The following SMYD3 variants were observed in gnomAD, a reference collection of about 807,000 sequenced individuals.
SMYD3 encodes the protein SET and MYND domain containing 3.
In SMYD3, 36 loss-of-function variants were observed where a neutral mutation model predicts 57.7. That is an observed-to-expected ratio of 0.62 (90% confidence interval 0.48 to 0.82). The LOEUF (loss-of-function observed/expected upper bound fraction) is 0.82. Ranked by LOEUF, SMYD3 falls within the 40% of genes least tolerant of loss-of-function variation. The pLI, the probability that SMYD3 is intolerant of heterozygous loss-of-function variation, is 0.00. For synonymous variants in SMYD3, 211 were observed against 195.0 expected, an observed-to-expected ratio of 1.08 and a Z score of -0.68; for missense variants, 515 against 538.8, an observed-to-expected ratio of 0.96 and a Z score of 0.44.
At chr1:246,073,184 C>T (rs2060487418) in intron 5 of SMYD3, among the ~76,000 whole-genome samples, 1 of 152,142 alleles carries the variant, frequency 6.6e-6, no homozygotes, top group African/African-American at 2.4e-5. Context: ...GCTATAATAG[C>T]TGAGTGACTC....
intron 8 of SMYD3, among the ~76,000 whole-genome samples, chr1:245,894,972 T>C (rs541869614): frequency 6.6e-6 from 1 of 152,336 alleles, no homozygotes; most frequent in Admixed American, 6.5e-5. Context: ...GCCTGTCCTC[T>C]GGGGAGAAGG....
intron 5 of SMYD3, among the ~76,000 whole-genome samples, chr1:246,106,222 T>C (rs1337222461): frequency 6.6e-6 from 1 of 152,180 alleles, no homozygotes; most frequent in Non-Finnish European, 1.5e-5. Context: ...ATTCATTACA[T>C]TGTAGACATC....
intron 1 of SMYD3, among the ~76,000 whole-genome samples, chr1:246,448,204 G>A (rs905907714): frequency 1.3e-5 from 2 of 152,110 alleles, no homozygotes; most frequent in Admixed American, 6.5e-5. Context: ...GAAACAGAGC[G>A]AGACTCCGTC....
intron 1 of SMYD3, among the ~76,000 whole-genome samples, chr1:246,483,123 G>A (rs374782452): frequency 2.0e-5 from 3 of 152,130 alleles, no homozygotes; most frequent in Non-Finnish European, 2.9e-5. Context: ...GTACCCAGAC[G>A]ATCTCCTCTA....
intron 10 of SMYD3, among the ~76,000 whole-genome samples, chr1:245,785,620 C>A (rs935046512): frequency 6.6e-6 from 1 of 151,760 alleles, no homozygotes; most frequent in African/African-American, 2.4e-5. Flanking sequence ...AGACAGGGCA[C>A]CTCTCCCCCA....
intron 8 of SMYD3, among the ~76,000 whole-genome samples, chr1:245,899,980 A>G (rs1288978313): frequency 1.3e-5 from 2 of 152,144 alleles, no homozygotes; most frequent in Non-Finnish European, 2.9e-5. Flanking sequence ...CTGAAACTAT[A>G]CCATGGCTCT....
At chr1:246,211,641 A>C (rs2063090438) in intron 5 of SMYD3, among the ~76,000 whole-genome samples, 1 of 152,176 alleles carries the variant, frequency 6.6e-6, no homozygotes, top group Non-Finnish European at 1.5e-5. Flanking sequence ...AAGGGGGAAG[A>C]GGTAGTAATT....
intron 5 of SMYD3, among the ~76,000 whole-genome samples, chr1:246,045,616 C>A (rs111937633): frequency 0.46 from 70,353 of 151,730 alleles, 17,755 homozygotes; most frequent in East Asian, 0.8. Context: ...GCAACAAAAG[C>A]CAAAATTGAC....
chr1:245,873,438 T>A (rs552451523), intron 8 of SMYD3, among the ~76,000 whole-genome samples: 2 of 152,298 alleles, frequency 1.3e-5, no homozygotes, highest in South Asian at 2.1e-4. Context: ...GGTGGGAGGT[T>A]TGAGATTCTG....
At chr1:245,792,608 G>C (rs541213352) in intron 10 of SMYD3, among the ~76,000 whole-genome samples, 1 of 152,270 alleles carries the variant, frequency 6.6e-6, no homozygotes, top group African/African-American at 2.4e-5. Context: ...TCCACTTTGG[G>C]GGTGTCATGA....
chr1:245,773,021 G>T (rs1414003537), intron 10 of SMYD3, among the ~76,000 whole-genome samples: 1 of 149,708 alleles, frequency 6.7e-6, no homozygotes, highest in Non-Finnish European at 1.5e-5. Flanking sequence ...TAAATGTATG[G>T]TAATTAGTGG....
chr1:246,194,868 C>T (rs1031522655), intron 5 of SMYD3, among the ~76,000 whole-genome samples: 13 of 152,176 alleles, frequency 8.5e-5, no homozygotes, highest in Non-Finnish European at 1.6e-4. Context: ...TCCACAAAAA[C>T]GTCTGAAGAA....
chr1:246,251,062 G>A (rs2063791294), intron 5 of SMYD3, among the ~76,000 whole-genome samples: 1 of 152,180 alleles, frequency 6.6e-6, no homozygotes, highest in Admixed American at 6.5e-5. Flanking sequence ...CAACAAGAAT[G>A]GGGTATCCAT....
At chr1:246,461,704 A>T (rs897094705) in intron 1 of SMYD3, among the ~76,000 whole-genome samples, 1 of 148,232 alleles carries the variant, frequency 6.7e-6, no homozygotes, top group Non-Finnish European at 1.5e-5. Flanking sequence ...ACTGCACTCC[A>T]GCCTGGGCAA....
intron 5 of SMYD3, among the ~76,000 whole-genome samples, chr1:246,240,518 G>A (rs913936914): frequency 3.9e-5 from 6 of 152,006 alleles, no homozygotes; most frequent in African/African-American, 7.3e-5. Flanking sequence ...TTGAAGTCAG[G>A]TAGCATGATG....
At chr1:245,788,259 A>G (rs2047129139) in intron 10 of SMYD3, among the ~76,000 whole-genome samples, 1 of 152,192 alleles carries the variant, frequency 6.6e-6, no homozygotes, top group Non-Finnish European at 1.5e-5. Flanking sequence ...CACAGGGAAC[A>G]GGGCAAGAAG....
intron 1 of SMYD3, among the ~76,000 whole-genome samples, chr1:246,450,028 C>CTAT (rs1189726190): frequency 5.9e-5 from 9 of 152,196 alleles, no homozygotes; most frequent in Admixed American, 5.9e-4. Context: ...TGGCTCACAC[C>CTAT]TATTATCCCA....
chr1:246,019,681 C>T (rs1346719417), intron 5 of SMYD3, among the ~76,000 whole-genome samples: 1 of 152,090 alleles, frequency 6.6e-6, no homozygotes, highest in East Asian at 1.9e-4. Context: ...TCCATCTGTG[C>T]TATCTTAAAT....
intron 1 of SMYD3, among the ~76,000 whole-genome samples, chr1:246,496,299 G>A (rs1048137729): frequency 1.3e-5 from 2 of 152,008 alleles, no homozygotes; most frequent in Admixed American, 6.6e-5. Context: ...CTCCCAAGGT[G>A]CTGGGATTAC....
Sources: allele counts gnomAD v4.1 joint callset (sites outside exome capture counted in the v4.1 genomes callset), GRCh38; gene constraint gnomAD v4.1.1; transcripts MANE v1.5; gene names NCBI Gene and HGNC (gene_info 2026-07-23, HGNC 2026-07-21).